Variants in VRK2 observed in about 807,000 individuals in gnomAD.
The protein encoded by VRK2 is serine/threonine-protein kinase VRK2.
Under a neutral mutation model 57.6 loss-of-function variants are expected in VRK2, and 60 were observed. The observed-to-expected ratio is 1.04, with a 90% confidence interval of 0.85 to 1.29. VRK2 has a LOEUF of 1.29. Among genes scored for constraint, VRK2 ranks in the 50% most tolerant of loss-of-function variants. The pLI, the probability that VRK2 is intolerant of heterozygous loss-of-function variation, is 0.00. For synonymous variants in VRK2, 231 were observed against 199.2 expected, an observed-to-expected ratio of 1.16 and a Z score of -1.35; for missense variants, 705 against 588.1, an observed-to-expected ratio of 1.20 and a Z score of -2.06.
chr2:58,018,272 C>A (rs542015052), intron 1 of VRK2, among the ~76,000 whole-genome samples: 11 of 152,314 alleles, frequency 7.2e-5, no homozygotes, highest in African/African-American at 2.6e-4. Flanking sequence ...AGATTACAGG[C>A]ATTAGCCACC....
intron 1 of VRK2, among the ~76,000 whole-genome samples, chr2:57,961,766 T>C (rs1232731515): frequency 6.6e-6 from 1 of 152,200 alleles, no homozygotes; most frequent in South Asian, 2.1e-4. Flanking sequence ...TAGAGAGCAC[T>C]GATAGAGGCT....
intron 1 of VRK2, among the ~76,000 whole-genome samples, chr2:57,918,450 A>G (rs1670226339): frequency 6.6e-6 from 1 of 152,056 alleles, no homozygotes; most frequent in African/African-American, 2.4e-5. Flanking sequence ...CAAGGTTTTT[A>G]GTTCTTTTTA....
chr2:58,114,673 A>G (rs572969805), intron 7 of VRK2, among the ~76,000 whole-genome samples: 1,797 of 147,314 alleles, frequency 0.012, 22 homozygotes, highest in African/African-American at 0.046. Flanking sequence ...ACGGAGGACC[A>G]TAAGGGATAT....
At chr2:57,922,853 G>T (rs539547650) in intron 1 of VRK2, among the ~76,000 whole-genome samples, 52 of 151,596 alleles carry the variant, frequency 3.4e-4, no homozygotes, top group Middle Eastern at 3.4e-3. Context: ...TTCTATTTTT[G>T]TACTCACTAA....
chr2:58,117,216 A>T (rs1274367480), intron 7 of VRK2, among the ~76,000 whole-genome samples: 1 of 152,128 alleles, frequency 6.6e-6, no homozygotes, highest in East Asian at 1.9e-4. Flanking sequence ...CTGGGTTTTT[A>T]TATTTGATGA....
intron 7 of VRK2, among the ~76,000 whole-genome samples, chr2:58,112,688 AAG>A (rs891330617): frequency 9.9e-5 from 15 of 152,162 alleles, no homozygotes. Context: ...CTTCATATGG[AAG>A]AGGGAAGTGG....
At chr2:58,129,581 A>G (rs1200784915) in intron 8 of VRK2, among the ~76,000 whole-genome samples, 13 of 152,240 alleles carry the variant, frequency 8.5e-5, no homozygotes, top group Non-Finnish European at 1.0e-4. Flanking sequence ...TGTGTAAACT[A>G]TACATGCATA....
In VRK2 at chr2:58,146,389, G is replaced by GT; in HGVS notation, c.1098dup (p.Glu367Ter). The GT allele has an allele frequency of 6.2e-7, 1 of 1,611,878 alleles. No homozygotes were observed. Among genetic ancestry groups the GT allele is most frequent in the Non-Finnish European group, 8.5e-7 (1 of 1,178,460 alleles). ...AGGTTAATCGAAAAAAAAGTCCACA[G>GT]TGAGAGAAGCGCTGAGTCCTGTGCA... On this transcript the variant is annotated frameshift_variant, in exon 12 of 13. Coordinates refer to ENST00000340157, the MANE Select transcript of VRK2 (RefSeq NM_006296.7). LOFTEE classifies it high-confidence loss of function.
intron 7 of VRK2, among the ~76,000 whole-genome samples, chr2:58,103,065 C>T (rs1001435964): frequency 6.6e-6 from 1 of 151,184 alleles, no homozygotes; most frequent in African/African-American, 2.4e-5. Flanking sequence ...ATACCAAAGC[C>T]TTTGGGATAC....
chr2:58,125,086 A>G (rs1453816365), intron 8 of VRK2, among the ~76,000 whole-genome samples: 2 of 152,176 alleles, frequency 1.3e-5, no homozygotes, highest in Non-Finnish European at 2.9e-5. Context: ...TATAACTGGA[A>G]ATTCATCATA....
At chr2:58,139,612 C>G (rs1349089966) in intron 10 of VRK2, 54 bp from the exon 11 acceptor site, 1 of 1,508,312 alleles carries the variant, frequency 6.6e-7, no homozygotes, top group East Asian at 2.3e-5. Context: ...TTACTGGAGT[C>G]TTGACAATTC....
intron 7 of VRK2, among the ~76,000 whole-genome samples, chr2:58,099,397 G>T (rs185462684): frequency 1.3e-5 from 2 of 151,930 alleles, no homozygotes; most frequent in African/African-American, 4.8e-5. Context: ...ACTTGCCTTC[G>T]TGTTGTCTTA....
intron 1 of VRK2, among the ~76,000 whole-genome samples, chr2:57,969,100 G>C (rs1384474398): frequency 6.6e-6 from 1 of 151,978 alleles, no homozygotes; most frequent in African/African-American, 2.4e-5. Context: ...CACAGATGGG[G>C]AAATGCTAGC....
At chr2:57,947,183 T>C (rs919897098) in intron 1 of VRK2, among the ~76,000 whole-genome samples, 5 of 152,124 alleles carry the variant, frequency 3.3e-5, no homozygotes, top group Non-Finnish European at 7.4e-5. Context: ...TGGTGTAATA[T>C]GTAAGCAACT....
chr2:57,988,185 A>G (rs755595032), intron 1 of VRK2, among the ~76,000 whole-genome samples: 1 of 152,242 alleles, frequency 6.6e-6, no homozygotes, highest in East Asian at 1.9e-4. Context: ...AAAAAAACTC[A>G]TTTCATTTTC....
intron 11 of VRK2, among the ~76,000 whole-genome samples, chr2:58,143,176 C>G (rs1020260243): frequency 1.3e-5 from 2 of 151,906 alleles, no homozygotes; most frequent in African/African-American, 4.8e-5. Context: ...TAGTGAAATA[C>G]AGATTCTTAA....
intron 1 of VRK2, among the ~76,000 whole-genome samples, chr2:57,988,238 C>CT (rs1672659105): frequency 1.3e-5 from 2 of 152,176 alleles, no homozygotes; most frequent in Non-Finnish European, 2.9e-5. Flanking sequence ...TCCATTTTCT[C>CT]TTTAACATTT....
At chr2:58,083,959 A>G (rs1671260354) in intron 2 of VRK2, 130 bp from the exon 3 acceptor site, 2 of 930,822 alleles carry the variant, frequency 2.1e-6, no homozygotes, top group East Asian at 5.3e-5. Context: ...TCCTACTACC[A>G]TAAAAGGTTG....
intron 1 of VRK2, among the ~76,000 whole-genome samples, chr2:57,991,104 G>A (rs1207332825): frequency 1.3e-5 from 2 of 152,004 alleles, no homozygotes; most frequent in African/African-American, 4.8e-5. Flanking sequence ...TGCCTCTAAT[G>A]TGAACAGATT....
Sources: gnomAD v4.1 joint callset for allele counts (sites outside exome capture counted in the v4.1 genomes callset) on GRCh38, gnomAD v4.1.1 for gene constraint, MANE v1.5 for transcripts, NCBI Gene and HGNC (gene_info 2026-07-23, HGNC 2026-07-21) for gene names.